ABCC5: variants seen among roughly 807,000 people sequenced by gnomAD.
ABCC5 encodes ATP-binding cassette sub-family C member 5.
A neutral mutation model predicts 160.9 loss-of-function variants in ABCC5; 61 were observed. The observed-to-expected ratio is 0.38, with a 90% CI of 0.31 to 0.47. The LOEUF (loss-of-function observed/expected upper bound fraction) is 0.47, where lower values mean the gene tolerates loss of function less well. Ranked by LOEUF, ABCC5 falls within the 20% of genes least tolerant of loss-of-function variation. The probability of loss-of-function intolerance (pLI) is 0.99; values close to 1 mark genes in which losing one functional copy is unlikely to be tolerated. For missense variants in ABCC5, 1,308 were observed against 1,813.3 expected (o/e 0.72, Z 5.06); for synonymous variants, 666 against 700.6 (o/e 0.95, Z 0.78).
intron 25 of ABCC5, 170 bp downstream of exon 25, chr3:183,942,557 C>T (rs1714472396): frequency 7.4e-6 from 6 of 813,950 alleles, no homozygotes; most frequent in Middle Eastern, 2.2e-4. Flanking sequence ...GAAAAGCACT[C>T]AATGTCATCA....
At position 183,928,759 on chromosome 3, in the gene ABCC5, G is replaced by A. The variant is rs1280234387; in HGVS notation, c.3921C>T (p.His1307=). Residue 1307 remains histidine, a synonymous_variant, in exon 27 of 30, where the codon CAC becomes CAT. Transcript: ENST00000334444. ...DQIWDALERT[H]MKECIAQLPL... Reference sequence around the variant, plus strand: ...GCTCTTCACTTACACATTCTTTCATGTGTGTCCTCTCCAGGGCATCCCAAA... The same window carrying A: ...GCTCTTCACTTACACATTCTTTCATATGTGTCCTCTCCAGGGCATCCCAAA... The A allele has an allele frequency of 3.7e-6, 6 of 1,613,882 alleles. No homozygotes were observed.
chr3:183,940,908 G>C (rs1234152979), intron 25 of ABCC5, among the ~76,000 whole-genome samples: 1 of 152,046 alleles, frequency 6.6e-6, no homozygotes, highest in African/African-American at 2.4e-5. Flanking sequence ...GCTCAGGCTG[G>C]AGGGCAATAG....
chr3:183,942,536 T>C (rs368098219), intron 25 of ABCC5, 191 bp downstream of exon 25: 2 of 744,096 alleles, frequency 2.7e-6, no homozygotes, highest in East Asian at 2.7e-5. Flanking sequence ...AATGTGCACA[T>C]TTATGACTGT....
chr3:184,007,551 C>T (rs139951961), intron 2 of ABCC5, among the ~76,000 whole-genome samples: 1,828 of 152,182 alleles, frequency 0.012, 32 homozygotes, highest in Middle Eastern at 0.034. Context: ...CATGCCCAGG[C>T]GCAGTGGCTC....
chr3:183,979,519 T>C (rs898148438), intron 8 of ABCC5, among the ~76,000 whole-genome samples: 2 of 152,134 alleles, frequency 1.3e-5, no homozygotes, highest in Non-Finnish European at 2.9e-5. Context: ...ATTTGCAAAA[T>C]CAACCCCCAT....
At chr3:184,008,576 G>C (rs959732152) in intron 2 of ABCC5, among the ~76,000 whole-genome samples, 1 of 152,216 alleles carries the variant, frequency 6.6e-6, no homozygotes, top group Non-Finnish European at 1.5e-5. Context: ...TTACAGTCCC[G>C]AAGAAAGTGG....
rs764708792 is a variant in ABCC5 at position 183,953,208 on chromosome 3, A to G, written c.2545T>C (p.Tyr849His). 1.9e-6 allele frequency: 3 copies of G among 1,614,066 alleles called. No homozygotes were observed. In the South Asian group the frequency reaches 3.3e-5, roughly 18 times the overall value. Residue 849 changes from tyrosine (Y) to histidine (H), a missense_variant, in exon 18 of 30, where the codon TAC becomes CAC. Transcript: ENST00000334444. Reference sequence around the variant, plus strand: ...AAGGGGCCCCCAGCAGCCTGGATGTAGACACCATATACTGACCAGGGCACT... The same window carrying G: ...AAGGGGCCCCCAGCAGCCTGGATGTGGACACCATATACTGACCAGGGCACT... Reference protein sequence around the residue: ...GSVPWSVYGVYIQAAGGPLAF... With the variant: ...GSVPWSVYGVHIQAAGGPLAF...
intron 11 of ABCC5, among the ~76,000 whole-genome samples, chr3:183,968,984 A>G (rs957809931): frequency 6.6e-6 from 1 of 152,206 alleles, no homozygotes; most frequent in Admixed American, 6.5e-5. Context: ...GTCCACGAGT[A>G]CTGAATGGTT....
chr3:183,967,711 G>C lies in ABCC5; in HGVS notation c.1817C>G (p.Ser606Ter). The C allele has an allele frequency of 1.9e-6, 3 of 1,613,766 alleles. No homozygotes were observed. The highest frequency in any genetic ancestry group is 2.5e-6 in the Non-Finnish European group (3 of 1,179,696). Residue 606 changes from serine (S) to a stop codon, truncating the protein, a stop_gained, in exon 12 of 30, where the codon TCA (serine) becomes TGA (stop). Coordinates refer to ENST00000334444, the MANE Select transcript of ABCC5 (RefSeq NM_005688.4). LOFTEE classifies it high-confidence loss of function. ...AAATCTTACCTGGCCTAAAATGGCT[G>C]AAATGAGAGAGGTTTTTCCACTTCC... ...SVGSGKTSLI[S>*]AILGQMTLLE...
intron 16 of ABCC5, among the ~76,000 whole-genome samples, chr3:183,960,232 C>T (rs1716596048): frequency 1.3e-5 from 2 of 152,208 alleles, no homozygotes; most frequent in South Asian, 4.1e-4. Context: ...CCACCTGGTT[C>T]TGTAGGACCT....
chr3:183,977,750 C>A, intron 9 of ABCC5, 126 bp from the exon 10 acceptor site: 2 of 626,042 alleles, frequency 3.2e-6, no homozygotes, highest in Non-Finnish European at 5.4e-6. Context: ...TATTACAAGT[C>A]AATTACATTT....
At chr3:183,923,140 T>G (rs1205295675) in intron 29 of ABCC5, among the ~76,000 whole-genome samples, 1 of 151,822 alleles carries the variant, frequency 6.6e-6, no homozygotes, top group African/African-American at 2.4e-5. Flanking sequence ...GTTTTTGCCT[T>G]TATGCTTTTC....
intron 26 of ABCC5, 133 bp downstream of exon 26, chr3:183,937,768 G>A (rs921348802): frequency 6.2e-6 from 6 of 974,900 alleles, no homozygotes; most frequent in Non-Finnish European, 9.2e-6. Flanking sequence ...CAAGCACATG[G>A]TGCAGTGGGA....
Position 183,988,941 on chromosome 3 carries a change from A to G in ABCC5, c.288-214T>C, listed in dbSNP as rs1719479248. Among the ~76,000 whole-genome samples the G allele has an allele frequency of 6.6e-6, 1 of 152,126 alleles. No homozygotes were observed. The highest frequency in any genetic ancestry group is 6.5e-5 in the Admixed American group (1 of 15,278). ...AGCACTTTGGGAGGCCGAGGCGGGC[A>G]GATCATGAGGTCAGGAGATTGAGAC... is the stretch of plus-strand genomic sequence containing the variant. On this transcript the variant is annotated intron_variant, in intron 3 of 29. Coordinates refer to ENST00000334444, the MANE Select transcript of ABCC5 (RefSeq NM_005688.4). This position sits in a 1 kb window ranked among gnomAD's most constrained non-coding sequence, Gnocchi z 4.4.
At chr3:183,950,720 G>A (rs1330024338) in intron 20 of ABCC5, among the ~76,000 whole-genome samples, 1 of 152,160 alleles carries the variant, frequency 6.6e-6, no homozygotes, top group East Asian at 1.9e-4. Flanking sequence ...ATGGGAACAT[G>A]TTATGTATCA....
chr3:183,970,941 T>C (rs1662674522), intron 11 of ABCC5, among the ~76,000 whole-genome samples: 1 of 152,152 alleles, frequency 6.6e-6, no homozygotes, highest in Admixed American at 6.6e-5. Flanking sequence ...AATGAATGAA[T>C]ATATACACAT....
intron 26 of ABCC5, among the ~76,000 whole-genome samples, chr3:183,930,790 C>T (rs1421923008): frequency 1.3e-5 from 2 of 152,184 alleles, no homozygotes; most frequent in East Asian, 3.9e-4. Context: ...AGACTTCCAG[C>T]CCCCGGAACT....
chr3:184,009,526 A>G (rs1721518306), intron 2 of ABCC5, among the ~76,000 whole-genome samples: 1 of 152,196 alleles, frequency 6.6e-6, no homozygotes, highest in Admixed American at 6.5e-5. Flanking sequence ...TCAGACCACA[A>G]AATTTCTTGT....
At chr3:183,959,885 G>T in intron 16 of ABCC5, 50 bp from the exon 17 acceptor site, 1 of 1,311,054 alleles carries the variant, frequency 7.6e-7, no homozygotes, top group South Asian at 1.3e-5. Flanking sequence ...CCATCCAGAT[G>T]AATGTCCACA....
Sources: allele counts gnomAD v4.1 joint callset (sites outside exome capture counted in the v4.1 genomes callset), GRCh38; gene constraint gnomAD v4.1.1; non-coding constraint Gnocchi (gnomAD v3.1); transcripts MANE v1.5; gene names NCBI Gene and HGNC (gene_info 2026-07-23, HGNC 2026-07-21).